Variants in SCML4 observed in about 807,000 individuals in gnomAD.
SCML4 encodes the protein Scm polycomb group protein like 4, also known as sex comb on midleg-like protein 4.
A neutral mutation model predicts 41.1 loss-of-function variants in SCML4; 34 were observed. That is an observed-to-expected ratio of 0.83 (90% confidence interval 0.63 to 1.10). The LOEUF is 1.10. Among genes scored for constraint, SCML4 ranks in the 50% least tolerant of loss-of-function variants. The probability of loss-of-function intolerance (pLI) is 0.00; values close to 1 mark genes in which losing one functional copy is unlikely to be tolerated. For synonymous variants in SCML4, 214 were observed against 220.9 expected (o/e 0.97, Z 0.28); for missense variants, 522 against 534.1 (o/e 0.98, Z 0.22).
At chr6:107,735,000 C>T (rs183338672) in intron 5 of SCML4, among the ~76,000 whole-genome samples, 1 of 152,176 alleles carries the variant, frequency 6.6e-6, no homozygotes, top group Admixed American at 6.5e-5. Flanking sequence ...CTCAGCCTCC[C>T]GAGTAACTGT....
chr6:107,720,507 T>G, intron 6 of SCML4, 196 bp downstream of exon 6: 2 of 1,368,544 alleles, frequency 1.5e-6, no homozygotes, highest in Non-Finnish European at 1.9e-6. Context: ...TAATACACGA[T>G]TTTCTTTGCT....
chr6:107,722,840 A>G (rs1035757224), intron 5 of SCML4, among the ~76,000 whole-genome samples: 1 of 152,210 alleles, frequency 6.6e-6, no homozygotes, highest in South Asian at 2.1e-4. Flanking sequence ...CTGTTAAAGG[A>G]AGAAAGATCT....
chr6:107,839,896 T>A, the SCML4 span, among the ~76,000 whole-genome samples: 1 of 152,106 alleles, frequency 6.6e-6, no homozygotes, highest in Non-Finnish European at 1.5e-5. Context: ...CCATCCAATA[T>A]GACTTTTTAA....
the SCML4 span, among the ~76,000 whole-genome samples, chr6:107,842,278 A>G: frequency 6.6e-6 from 1 of 152,196 alleles, no homozygotes; most frequent in Admixed American, 6.5e-5. Context: ...CGCCAAGCAC[A>G]TACTTTGTGA....
chr6:107,727,607 G>A (rs911563485), intron 5 of SCML4, among the ~76,000 whole-genome samples: 6 of 152,184 alleles, frequency 3.9e-5, no homozygotes, highest in East Asian at 1.9e-4. Flanking sequence ...GAAGTGCTGC[G>A]AGATGTCTTC....
the SCML4 span, among the ~76,000 whole-genome samples, chr6:107,840,145 A>G: frequency 1.3e-5 from 2 of 152,216 alleles, no homozygotes. Context: ...TACGGTGCCT[A>G]AAACAGTGGC....
intron 1 of SCML4, among the ~76,000 whole-genome samples, chr6:107,778,623 T>C (rs1479300108): frequency 6.6e-6 from 1 of 152,198 alleles, no homozygotes; most frequent in African/African-American, 2.4e-5. Context: ...TAATTTGGAA[T>C]GACATTTTAC....
intron 7 of SCML4, among the ~76,000 whole-genome samples, chr6:107,706,056 A>G (rs1479753513): frequency 6.6e-6 from 1 of 152,114 alleles, no homozygotes; most frequent in Non-Finnish European, 1.5e-5. Context: ...AAAGGGTAGA[A>G]ATTTCAGGTG....
chr6:107,757,377 G>A (rs1180852780), intron 2 of SCML4, among the ~76,000 whole-genome samples: 1 of 152,184 alleles, frequency 6.6e-6, no homozygotes, highest in Non-Finnish European at 1.5e-5. Flanking sequence ...TAACAGAAAT[G>A]CCAACTAAAC....
intron 2 of SCML4, among the ~76,000 whole-genome samples, chr6:107,768,097 CAAAAAAAAAAA>C (rs766357180): frequency 2.2e-5 from 1 of 45,664 alleles, no homozygotes; most frequent in African/African-American, 8.7e-5. Flanking sequence ...TTCATCTGTA[CAAAAAAAAAAA>C]AAAAAAAGTA....
At chr6:107,784,830 C>T (rs536086644) in intron 1 of SCML4, among the ~76,000 whole-genome samples, 7 of 152,346 alleles carry the variant, frequency 4.6e-5, no homozygotes, top group South Asian at 4.1e-4. Context: ...GCACTCATCA[C>T]GGCCCGTGGT....
At chr6:107,841,131 C>A in the SCML4 span, among the ~76,000 whole-genome samples, 1 of 141,478 alleles carries the variant, frequency 7.1e-6, no homozygotes, top group Non-Finnish European at 1.5e-5. Flanking sequence ...TTGGTATTGA[C>A]CAACAGCAGT....
chr6:107,718,196 G>T (rs1276874555), intron 6 of SCML4, among the ~76,000 whole-genome samples: 1 of 152,218 alleles, frequency 6.6e-6, no homozygotes, highest in African/African-American at 2.4e-5. Context: ...CATGTGTCAA[G>T]GATGGAGCCA....
chr6:107,829,716 C>G, the SCML4 span, among the ~76,000 whole-genome samples: 471 of 152,158 alleles, frequency 3.1e-3, 2 homozygotes, highest in East Asian at 0.012. Flanking sequence ...AACAAACCTG[C>G]ACGTTCTGCA....
the SCML4 span, among the ~76,000 whole-genome samples, chr6:107,839,374 A>G: frequency 6.7e-6 from 1 of 148,620 alleles, no homozygotes; most frequent in African/African-American, 2.5e-5. Context: ...AGAAGGAAAG[A>G]AAGAAAGAAA....
At chr6:107,723,599 A>C (rs2114414854) in intron 5 of SCML4, among the ~76,000 whole-genome samples, 1 of 152,344 alleles carries the variant, frequency 6.6e-6, no homozygotes, top group Admixed American at 6.5e-5. Context: ...AAACTGACTT[A>C]AGAAGAAAAA....
At chr6:107,748,993 G>A (rs1778375041) in intron 3 of SCML4, among the ~76,000 whole-genome samples, 1 of 152,186 alleles carries the variant, frequency 6.6e-6, no homozygotes, top group Non-Finnish European at 1.5e-5. Flanking sequence ...ACAGGGTGGA[G>A]CCTGCAGGGC....
intron 2 of SCML4, among the ~76,000 whole-genome samples, chr6:107,750,015 T>G (rs1053446369): frequency 6.6e-6 from 1 of 152,152 alleles, no homozygotes; most frequent in Non-Finnish European, 1.5e-5. Flanking sequence ...CACCTCTCAT[T>G]CCACCCTTTC....
At chr6:107,797,705 C>T (rs1401726958) in intron 1 of SCML4, among the ~76,000 whole-genome samples, 1 of 151,762 alleles carries the variant, frequency 6.6e-6, no homozygotes, top group Admixed American at 6.6e-5. Flanking sequence ...CATGCTTGTT[C>T]CTGATTTTAG....
Sources: gnomAD v4.1 joint callset for allele counts (sites outside exome capture counted in the v4.1 genomes callset) on GRCh38, gnomAD v4.1.1 for gene constraint, MANE v1.5 for transcripts, NCBI Gene and HGNC (gene_info 2026-07-23, HGNC 2026-07-21) for gene names.